Variants in STK32B observed in about 807,000 individuals in gnomAD.
STK32B encodes the protein serine/threonine kinase 32B, also known as serine/threonine-protein kinase 32B.
A neutral mutation model predicts 52.6 loss-of-function variants in STK32B; 43 were observed. The ratio of observed to expected loss-of-function variants is 0.82; its 90% confidence interval spans 0.64 to 1.05. STK32B has a LOEUF of 1.05. Among genes scored for constraint, STK32B ranks in the 50% least tolerant of loss-of-function variants. STK32B has a pLI of 0.00. For synonymous variants in STK32B, 238 were observed against 204.3 expected (o/e 1.17, Z -1.41); for missense variants, 621 against 534.6 (o/e 1.16, Z -1.59).
intron 3 of STK32B, among the ~76,000 whole-genome samples, chr4:5,242,092 A>G (rs1034545428): frequency 4.6e-5 from 7 of 151,962 alleles, no homozygotes; most frequent in African/African-American, 1.7e-4. Context: ...GTATATACCC[A>G]GTAATGGGAT....
chr4:5,426,782 A>G (rs1051542054), intron 6 of STK32B: 1 of 150,324 alleles, frequency 6.7e-6, no homozygotes, highest in Non-Finnish European at 1.5e-5. Context: ...TATCCTGGAT[A>G]GAATTCCTTT....
intron 7 of STK32B, among the ~76,000 whole-genome samples, chr4:5,452,321 C>T (rs914300722): frequency 4.6e-5 from 7 of 151,964 alleles, no homozygotes; most frequent in Non-Finnish European, 1.5e-5. Context: ...GGTGAGAGAG[C>T]GGCACTGAGT....
At chr4:5,172,306 C>T (rs1402651399) in intron 3 of STK32B, among the ~76,000 whole-genome samples, 2 of 152,188 alleles carry the variant, frequency 1.3e-5, no homozygotes, top group Non-Finnish European at 2.9e-5. Flanking sequence ...TTATTTCCTT[C>T]TCCTGCCTGA....
the STK32B span, among the ~76,000 whole-genome samples, chr4:5,023,941 A>G: frequency 1.3e-5 from 2 of 152,136 alleles, no homozygotes; most frequent in Admixed American, 1.3e-4. Flanking sequence ...AGCCTTTCCT[A>G]TGTCAGTTAG....
In STK32B at chr4:5,112,736, T is replaced by C. The variant is rs150050092; in HGVS notation, c.53-27169T>C. Among the ~76,000 whole-genome samples, 907 of 152,240 alleles carry C rather than the reference T, an allele frequency of 6.0e-3. 9 individuals are homozygous for C. The highest frequency in any genetic ancestry group is 0.018 in the African/African-American group (730 of 41,498). On this transcript the variant is annotated intron_variant, in intron 1 of 11. Transcript: ENST00000282908. ...CAAAGCTAGTACAAGAAAGCTTCTCTGTGGAGGAAAAATCTAAGCTGAGAT... is the reference window on the plus strand; with the variant it reads ...CAAAGCTAGTACAAGAAAGCTTCTCCGTGGAGGAAAAATCTAAGCTGAGAT...
intron 2 of STK32B, among the ~76,000 whole-genome samples, chr4:5,159,542 TATATATATGA>T (rs1560185633): frequency 1.9e-5 from 2 of 102,940 alleles, no homozygotes; most frequent in South Asian, 2.9e-4. Flanking sequence ...TGTATATATG[TATATATATGA>T]ATATATATGA....
Position 5,372,199 on chromosome 4 carries a change from G to A in STK32B, c.435-26008G>A, listed in dbSNP as rs116343574. Among the ~76,000 whole-genome samples, 595 of 152,348 alleles carry A rather than the reference G, an allele frequency of 3.9e-3. 4 individuals carry two copies. The highest frequency in any genetic ancestry group is 0.014 in the African/African-American group (574 of 41,588). ...AAGTAAAGTCAAAGGATTGGGGACC[G>A]TGGCAAGCAGCAACAGAACAGTAAA... On this transcript the variant is annotated intron_variant, in intron 4 of 11. Transcript: ENST00000282908.
intron 2 of STK32B, among the ~76,000 whole-genome samples, chr4:5,147,291 C>T (rs1224894762): frequency 6.6e-6 from 1 of 152,036 alleles, no homozygotes; most frequent in Non-Finnish European, 1.5e-5. Flanking sequence ...TAATCTCACA[C>T]CCTGAGACCT....
chr4:5,116,613 A>C (rs1473845728), intron 1 of STK32B, among the ~76,000 whole-genome samples: 1 of 152,100 alleles, frequency 6.6e-6, no homozygotes, highest in Non-Finnish European at 1.5e-5. Flanking sequence ...GGTTGCTTTA[A>C]CTAGTTGGGG....
At chr4:5,172,006 C>A (rs1198187499) in intron 3 of STK32B, among the ~76,000 whole-genome samples, 6 of 151,806 alleles carry the variant, frequency 4.0e-5, no homozygotes, top group Non-Finnish European at 7.4e-5. Context: ...TGTAGTTCTC[C>A]TTGAAGAGGT....
intron 11 of STK32B, among the ~76,000 whole-genome samples, chr4:5,484,131 C>T (rs1352183078): frequency 6.6e-6 from 1 of 152,124 alleles, no homozygotes; most frequent in Non-Finnish European, 1.5e-5. Context: ...GAGTTCAATT[C>T]CTGGATATCC....
At position 5,350,236 on chromosome 4, in the gene STK32B, G is replaced by T. The variant is rs566389292; in HGVS notation, c.434+18843G>T. 4.6e-5 allele frequency among the ~76,000 whole-genome samples: 7 copies of T among 152,188 alleles called. No homozygotes were observed. In the South Asian group the frequency reaches 1.5e-3, roughly 32 times the overall value. ...AGAACAGCATCTAGTCACTTATAAA[G>T]GACTTCCCATCAGGTTAATAGCAGA... On this transcript the variant is annotated intron_variant, in intron 4 of 11. Transcript: ENST00000282908.
At chr4:5,444,085 C>T (rs1381089202) in intron 6 of STK32B, among the ~76,000 whole-genome samples, 1 of 152,196 alleles carries the variant, frequency 6.6e-6, no homozygotes, top group Admixed American at 6.5e-5. Context: ...AGAGGTGGAG[C>T]CTACAGAGGC....
At chr4:5,248,334 A>T (rs1020551444) in intron 3 of STK32B, among the ~76,000 whole-genome samples, 1 of 152,236 alleles carries the variant, frequency 6.6e-6, no homozygotes, top group Non-Finnish European at 1.5e-5. Flanking sequence ...TAATGCCCCA[A>T]GGATAGCTGT....
intron 1 of STK32B, among the ~76,000 whole-genome samples, chr4:5,078,618 T>A (rs1712224148): frequency 6.6e-6 from 1 of 152,194 alleles, no homozygotes; most frequent in South Asian, 2.1e-4. Flanking sequence ...ATTTGTTCAC[T>A]CTGATTTAAG....
intron 4 of STK32B, among the ~76,000 whole-genome samples, chr4:5,370,488 C>G (rs899816604): frequency 6.6e-6 from 1 of 152,114 alleles, no homozygotes; most frequent in South Asian, 2.1e-4. Flanking sequence ...CAATCTTATT[C>G]AAGCAAATGG....
intron 7 of STK32B, among the ~76,000 whole-genome samples, chr4:5,454,134 T>C (rs1467579953): frequency 6.6e-6 from 1 of 152,206 alleles, no homozygotes; most frequent in Non-Finnish European, 1.5e-5. Flanking sequence ...GGACCATGTC[T>C]GTCCCGCTCA....
intron 1 of STK32B, among the ~76,000 whole-genome samples, chr4:5,059,559 C>A (rs1742139447): frequency 6.6e-6 from 1 of 152,078 alleles, no homozygotes. Context: ...GGGTAAACAC[C>A]ACTTCATCAT....
At chr4:5,057,197 A>C (rs1035978912) in intron 1 of STK32B, among the ~76,000 whole-genome samples, 47 of 152,222 alleles carry the variant, frequency 3.1e-4, no homozygotes, top group African/African-American at 1.1e-3. Context: ...GCTATTGAAA[A>C]ACAAACTGAT....
Sources: gnomAD v4.1 joint callset for allele counts (sites outside exome capture counted in the v4.1 genomes callset) on GRCh38, gnomAD v4.1.1 for gene constraint, MANE v1.5 for transcripts, NCBI Gene and HGNC (gene_info 2026-07-23, HGNC 2026-07-21) for gene names.